Variants in L3MBTL4 observed in about 807,000 individuals in gnomAD.
L3MBTL4 encodes L3MBTL histone methyl-lysine binding protein 4, also known as lethal(3)malignant brain tumor-like protein 4.
Under a neutral mutation model 84.5 loss-of-function variants are expected in L3MBTL4, and 70 were observed. The observed-to-expected ratio is 0.83, with a 90% CI of 0.68 to 1.01. L3MBTL4 has a LOEUF of 1.01. L3MBTL4 is among the 50% of genes least tolerant of loss of function. L3MBTL4 has a pLI of 0.00. For missense variants in L3MBTL4, 715 were observed against 754.8 expected (o/e 0.95, Z 0.62); for synonymous variants, 274 against 259.8 (o/e 1.05, Z -0.52).
In L3MBTL4 at chr18:6,264,214, A is replaced by G. The variant is rs80294394; in HGVS notation, c.128-176T>C. Reference sequence around the variant, plus strand: ...ATATGAACATTTAGTAAAATCACCTAACCACTCCATATTCAGCTCTTCCTG... The same window carrying G: ...ATATGAACATTTAGTAAAATCACCTGACCACTCCATATTCAGCTCTTCCTG... On this transcript the variant is annotated intron_variant, in intron 4 of 18. Transcript: ENST00000317931. Among the ~76,000 whole-genome samples, 413 of 152,278 alleles carry G rather than the reference A, an allele frequency of 2.7e-3. 8 individuals carry two copies. Among genetic ancestry groups the G allele is most frequent in the East Asian group, 0.024 (124 of 5,174 alleles).
chr18:6,192,000 C>A (rs2045122325), intron 12 of L3MBTL4, among the ~76,000 whole-genome samples: 2 of 147,446 alleles, frequency 1.4e-5, no homozygotes, highest in Non-Finnish European at 3.0e-5. Flanking sequence ...CCCTCCTCCC[C>A]CCCCTCAAAA....
At chr18:6,108,993 G>T (rs557960015) in intron 14 of L3MBTL4, among the ~76,000 whole-genome samples, 1 of 152,276 alleles carries the variant, frequency 6.6e-6, no homozygotes, top group Non-Finnish European at 1.5e-5. Context: ...CCAGGGTCCT[G>T]GAACCAATGT....
rs34580980 is a variant in L3MBTL4 at position 6,038,251 on chromosome 18, C to CTTT, written c.1444+42627_1444+42629dup. 4.9e-3 allele frequency among the ~76,000 whole-genome samples: 479 copies of CTTT among 97,842 alleles called. 25 individuals are homozygous for CTTT. Among genetic ancestry groups the CTTT allele is most frequent in the African/African-American group, 0.015 (408 of 27,214 alleles). 64.2% of individuals were successfully genotyped at this position (97,842 alleles called of 152,430 possible). The stretch of plus-strand genomic sequence containing the variant: ...GGATACTAGAAATCCATTTCTGGAT[C>CTTT]TTTTTTTTTTTTTTTTTTTTGAGAC... On this transcript the variant is annotated intron_variant, in intron 16 of 18. Transcript: ENST00000317931.
At chr18:5,999,362 C>T (rs906145977) in intron 16 of L3MBTL4, among the ~76,000 whole-genome samples, 2 of 152,200 alleles carry the variant, frequency 1.3e-5, no homozygotes, top group African/African-American at 4.8e-5. Flanking sequence ...GGTTGCAAAG[C>T]AGCACTTACC....
At chr18:6,406,680 C>T (rs546561630) in intron 1 of L3MBTL4, among the ~76,000 whole-genome samples, 7 of 152,262 alleles carry the variant, frequency 4.6e-5, no homozygotes, top group African/African-American at 1.7e-4. Flanking sequence ...ACACTGACTG[C>T]TGCTTACCAT....
At chr18:6,278,977 T>C (rs190707366) in intron 4 of L3MBTL4, among the ~76,000 whole-genome samples, 1 of 151,876 alleles carries the variant, frequency 6.6e-6, no homozygotes, top group African/African-American at 2.4e-5. Context: ...GGGTAAACAG[T>C]GACAGGGTTA....
chr18:6,157,190 T>C (rs543620462), intron 13 of L3MBTL4, among the ~76,000 whole-genome samples: 1 of 152,324 alleles, frequency 6.6e-6, no homozygotes, highest in African/African-American at 2.4e-5. Flanking sequence ...AATGAGTACT[T>C]AGGGACTCTT....
intron 1 of L3MBTL4, among the ~76,000 whole-genome samples, chr18:6,338,626 G>A (rs2143420560): frequency 6.6e-6 from 1 of 151,908 alleles, no homozygotes. Flanking sequence ...AAGAGTTGGT[G>A]ACAAATATGA....
intron 1 of L3MBTL4, among the ~76,000 whole-genome samples, chr18:6,383,691 G>T (rs2054695085): frequency 6.6e-6 from 1 of 152,178 alleles, no homozygotes. Context: ...AGTTGGAAAT[G>T]CAGAAATCAC....
chr18:6,341,975 G>A (rs377141372), intron 1 of L3MBTL4, among the ~76,000 whole-genome samples: 2 of 152,146 alleles, frequency 1.3e-5, no homozygotes, highest in Non-Finnish European at 2.9e-5. Context: ...TCAAGAGAGA[G>A]TGGGATGATA....
chr18:6,290,518 T>A (rs1387103364), intron 4 of L3MBTL4, among the ~76,000 whole-genome samples: 1 of 144,834 alleles, frequency 6.9e-6, no homozygotes, highest in Non-Finnish European at 1.5e-5. Flanking sequence ...CTGACTGGAA[T>A]TCTTTTATTT....
chr18:6,230,209 A>G (rs2046938506), intron 10 of L3MBTL4, among the ~76,000 whole-genome samples: 1 of 152,026 alleles, frequency 6.6e-6, no homozygotes, highest in Admixed American at 6.6e-5. Context: ...TATCCCAGGT[A>G]GATTTTCGAT....
intron 12 of L3MBTL4, among the ~76,000 whole-genome samples, chr18:6,204,887 C>T (rs905243242): frequency 6.6e-6 from 1 of 152,234 alleles, no homozygotes; most frequent in Non-Finnish European, 1.5e-5. Flanking sequence ...TGGTCTCTTT[C>T]TTCTACCTTA....
At chr18:6,244,907 T>C (rs76869114) in intron 5 of L3MBTL4, among the ~76,000 whole-genome samples, 7,716 of 152,226 alleles carry the variant, frequency 0.051, 645 homozygotes, top group African/African-American at 0.17. Flanking sequence ...TGATTATAAT[T>C]TGTCAAAAAC....
chr18:6,216,832 C>T (rs112070025), intron 10 of L3MBTL4, among the ~76,000 whole-genome samples: 5,338 of 152,148 alleles, frequency 0.035, 323 homozygotes, highest in African/African-American at 0.12. Flanking sequence ...AAAATAGTAA[C>T]ACTAATATCT....
chr18:6,369,419 A>C (rs767294099), intron 1 of L3MBTL4, among the ~76,000 whole-genome samples: 21 of 152,176 alleles, frequency 1.4e-4, no homozygotes, highest in Non-Finnish European at 2.6e-4. Flanking sequence ...AATGCACAGG[A>C]CAGCCCCTCA....
At chr18:6,310,477 T>C (rs1436134276) in intron 3 of L3MBTL4, among the ~76,000 whole-genome samples, 2 of 152,188 alleles carry the variant, frequency 1.3e-5, no homozygotes. Flanking sequence ...AACCAGATCA[T>C]TCTTTGAGAT....
At chr18:6,039,555 T>G (rs1464922597) in intron 16 of L3MBTL4, among the ~76,000 whole-genome samples, 1 of 151,734 alleles carries the variant, frequency 6.6e-6, no homozygotes, top group Non-Finnish European at 1.5e-5. Flanking sequence ...TTCTCTTATT[T>G]GGAGTTGTGC....
At chr18:6,399,335 G>T (rs943965660) in intron 1 of L3MBTL4, among the ~76,000 whole-genome samples, 1 of 152,082 alleles carries the variant, frequency 6.6e-6, no homozygotes, top group African/African-American at 2.4e-5. Context: ...CTACTTGGAG[G>T]CTGAGGCAGG....
Sources: allele counts gnomAD v4.1 joint callset (sites outside exome capture counted in the v4.1 genomes callset), GRCh38; gene constraint gnomAD v4.1.1; transcripts MANE v1.5; gene names NCBI Gene and HGNC (gene_info 2026-07-23, HGNC 2026-07-21).